LRRC8A: variants seen among roughly 807,000 people sequenced by gnomAD.
The protein encoded by LRRC8A is volume-regulated anion channel subunit LRRC8A.
A neutral mutation model predicts 52.5 loss-of-function variants in LRRC8A; 24 were observed. That is an observed-to-expected ratio of 0.46 (90% CI 0.33 to 0.64). The LOEUF is 0.64. Ranked by LOEUF, LRRC8A falls within the 30% of genes least tolerant of loss-of-function variation. LRRC8A has a pLI of 0.02. For synonymous variants in LRRC8A, 492 were observed against 494.2 expected, an observed-to-expected ratio of 1.00 and a Z score of 0.06; for missense variants, 677 against 1,094.7, an observed-to-expected ratio of 0.62 and a Z score of 5.38.
rs548173878 is a variant in LRRC8A, at chr9:128,915,760, G to A, written c.2158-336G>A. On this transcript the variant is annotated intron_variant, in intron 3 of 3. Transcript: ENST00000372600. ...TGGCCAATGCGATATACTTCCCAGG[G>A]CCAGGTGCTGGAAGATAGTGGGGAT... Among the ~76,000 whole-genome samples, 19 of 152,334 alleles carry A rather than the reference G, an allele frequency of 1.2e-4. No homozygotes were observed. In the East Asian group the frequency reaches 3.7e-3, roughly 29 times the overall value.
At chr9:128,912,387 C>T (rs1000537866) in intron 3 of LRRC8A, among the ~76,000 whole-genome samples, 5 of 151,456 alleles carry the variant, frequency 3.3e-5, no homozygotes, top group Non-Finnish European at 7.4e-5. Context: ...CCCTGAAGAA[C>T]GAGGAGGAGG....
At chr9:128,888,142 C>T (rs1839469699) in intron 2 of LRRC8A, among the ~76,000 whole-genome samples, 2 of 152,134 alleles carry the variant, frequency 1.3e-5, no homozygotes, top group African/African-American at 4.8e-5. Flanking sequence ...TAAGGTCAGC[C>T]AACTCCTGGC....
At chr9:128,891,796 G>T (rs957483692) in intron 2 of LRRC8A, among the ~76,000 whole-genome samples, 8 of 152,126 alleles carry the variant, frequency 5.3e-5, no homozygotes, top group African/African-American at 9.7e-5. Context: ...CAAGGGCCTG[G>T]GTCCCAGGTG....
At position 128,908,748 on chromosome 9, in the gene LRRC8A, C is replaced by T. The variant is rs753655875; in HGVS notation, c.1584C>T (p.Ser528=). 37 of 1,613,236 alleles carry T rather than the reference C, an allele frequency of 2.3e-5. No homozygotes were observed. Among genetic ancestry groups the T allele is most frequent in the East Asian group, 1.1e-4 (5 of 44,892 alleles). Residue 528 remains serine (S), a synonymous_variant, in exon 3 of 4, where the codon AGC becomes AGT. Coordinates refer to ENST00000372600, the MANE Select transcript of LRRC8A (RefSeq NM_019594.4). The part of the protein sequence containing the change: ...LEELHLTGNL[S]AENNRYIVID... ...AGCTGCACCTGACGGGCAACCTGAG[C>T]GCGGAGAACAACCGCTACATCGTCA...
At chr9:128,913,567 T>C (rs1013614483) in intron 3 of LRRC8A, among the ~76,000 whole-genome samples, 37 of 152,140 alleles carry the variant, frequency 2.4e-4, no homozygotes, top group Non-Finnish European at 1.5e-4. Context: ...CTCTGGGGCC[T>C]GGAGAGGGCT....
rs80015758 is a variant in LRRC8A, at chr9:128,914,795, G to A, written c.2158-1301G>A. Among the ~76,000 whole-genome samples the A allele has an allele frequency of 3.7e-3, 557 of 152,346 alleles. 8 individuals are homozygous for A. The East Asian group carries it at 0.042, about 12-fold the overall frequency. The stretch of plus-strand genomic sequence containing the variant: ...CAACTCATGGCCTTACTTACACGCA[G>A]TAAGAACTCATGGCCCCAGCTGATT... On this transcript the variant is annotated intron_variant, in intron 3 of 3. Transcript: ENST00000372600.
chr9:128,901,030 G>T (rs1390183427), intron 2 of LRRC8A, among the ~76,000 whole-genome samples: 1 of 152,114 alleles, frequency 6.6e-6, no homozygotes, highest in African/African-American at 2.4e-5. Flanking sequence ...AAAATTATCC[G>T]GGCATGGTGG....
intron 3 of LRRC8A, among the ~76,000 whole-genome samples, chr9:128,910,881 C>CT (rs1179291722): frequency 3.3e-5 from 5 of 152,188 alleles, no homozygotes; most frequent in Non-Finnish European, 7.3e-5. Context: ...ACCCGCGTTT[C>CT]TTAGTTCGGT....
rs755410120 is a variant in LRRC8A, at chr9:128,909,195, C to A, written c.2031C>A (p.Ile677=). Residue 677 remains isoleucine, a synonymous_variant, in exon 3 of 4, where the codon ATC becomes ATA. Transcript: ENST00000372600. ...LYLNRNKIEK[I]PTQLFYCRKL... is the part of the protein sequence containing the mutation. Reference sequence around the variant, plus strand: ...TGAACCGCAACAAGATCGAGAAGATCCCCACCCAGCTCTTCTACTGCCGCA... The same window carrying A: ...TGAACCGCAACAAGATCGAGAAGATACCCACCCAGCTCTTCTACTGCCGCA... 3 of 1,614,192 alleles carry A rather than the reference C, an allele frequency of 1.9e-6. No homozygotes were observed. In the Admixed American group the frequency reaches 5.0e-5, roughly 27 times the overall value.
rs1232301667 is a variant in LRRC8A, at chr9:128,916,783, C to T, written c.*412C>T. The T allele has an allele frequency of 5.9e-6, 1 of 169,392 alleles. No individual in the cohort carries two copies. Among genetic ancestry groups the T allele is most frequent in the African/African-American group, 2.4e-5 (1 of 42,206 alleles). 10.5% of individuals were successfully genotyped at this position (169,392 alleles called of 1,614,324 possible). On this transcript the variant is annotated 3_prime_UTR_variant, in exon 4 of 4. Transcript: ENST00000372600. The surrounding 1 kb of genome is among the most constrained non-coding windows in gnomAD (Gnocchi z 6.1). The stretch of plus-strand genomic sequence containing the variant: ...CTTATACATTCCCAAGAAAGTTCAG[C>T]CCAGATGGAAGGTGTTCAGGGAAAG...
intron 2 of LRRC8A, among the ~76,000 whole-genome samples, chr9:128,895,798 C>A (rs1297443546): frequency 3.3e-5 from 5 of 152,200 alleles, no homozygotes; most frequent in African/African-American, 1.2e-4. Flanking sequence ...TGCTGCTCCC[C>A]GCTGAGCCTT....
intron 2 of LRRC8A, among the ~76,000 whole-genome samples, chr9:128,906,118 C>T (rs953300775): frequency 2.0e-5 from 3 of 152,140 alleles, no homozygotes; most frequent in African/African-American, 7.2e-5. Flanking sequence ...CTTGTACACA[C>T]ATAACTATAC....
chr9:128,891,179 G>A (rs1392100615), intron 2 of LRRC8A, among the ~76,000 whole-genome samples: 1 of 152,096 alleles, frequency 6.6e-6, no homozygotes, highest in Non-Finnish European at 1.5e-5. Flanking sequence ...GGCTGAGGCA[G>A]GAGAATCACT....
Position 128,899,467 on chromosome 9 carries a change from C to T in LRRC8A, c.-8-7690C>T, listed in dbSNP as rs527459410. On this transcript the variant is annotated intron_variant, in intron 2 of 3. Coordinates refer to ENST00000372600, the MANE Select transcript of LRRC8A (RefSeq NM_019594.4). The surrounding 1 kb of genome is among the most constrained non-coding windows in gnomAD (Gnocchi z 4.0). The stretch of plus-strand genomic sequence containing the variant: ...GGCCCACTGTAAATCCAGGTTTGAA[C>T]GCCACCTCTGTCACTTATAGGCGGT... 1.3e-5 allele frequency among the ~76,000 whole-genome samples: 2 copies of T among 152,122 alleles called. No homozygotes were observed. Among genetic ancestry groups the T allele is most frequent in the Non-Finnish European group, 2.9e-5 (2 of 68,006 alleles).
At chr9:128,912,233 T>C (rs1186082233) in intron 3 of LRRC8A, among the ~76,000 whole-genome samples, 1 of 152,218 alleles carries the variant, frequency 6.6e-6, no homozygotes, top group Non-Finnish European at 1.5e-5. Flanking sequence ...TTTGTGCAGA[T>C]GTTTTTTGAG....
In LRRC8A at chr9:128,911,622, C is replaced by G. The variant is rs536783393; in HGVS notation, c.2157+2301C>G. Among the ~76,000 whole-genome samples, 5 of 152,148 alleles carry G rather than the reference C, an allele frequency of 3.3e-5. No homozygotes were observed. Among genetic ancestry groups the G allele is most frequent in the Non-Finnish European group, 7.3e-5 (5 of 68,036 alleles). ...CTGGTTGGGGGAGGGTTCAAGCCTC[C>G]AGCCTGGCTCCCCATCCTGTCCCCC... On this transcript the variant is annotated intron_variant, in intron 3 of 3. Transcript: ENST00000372600. The surrounding 1 kb of genome is among the most constrained non-coding windows in gnomAD (Gnocchi z 4.9).
intron 3 of LRRC8A, among the ~76,000 whole-genome samples, chr9:128,914,791 C>T (rs1268415404): frequency 2.0e-5 from 3 of 152,232 alleles, no homozygotes; most frequent in African/African-American, 4.8e-5. Flanking sequence ...CTTACTTACA[C>T]GCAGTAAGAA....
chr9:128,902,494 C>T lies in LRRC8A; in HGVS notation c.-8-4663C>T, dbSNP rs879450059. 1.3e-5 allele frequency among the ~76,000 whole-genome samples: 2 copies of T among 152,136 alleles called. No homozygotes were observed. Among genetic ancestry groups the T allele is most frequent in the Non-Finnish European group, 2.9e-5 (2 of 68,018 alleles). ...CAGGTGTTTCTGTGAGCGAACACAC[C>T]CCACTCCCTGAACACGAGGGAGGTG... On this transcript the variant is annotated intron_variant, in intron 2 of 3. Coordinates refer to ENST00000372600, the MANE Select transcript of LRRC8A (RefSeq NM_019594.4). The surrounding 1 kb of genome is among the most constrained non-coding windows in gnomAD (Gnocchi z 4.1).
rs1162466468 is a variant in LRRC8A, at chr9:128,908,784, G to A, written c.1620G>A (p.Leu540=). The change falls in exon 3 of 4, where the codon CTG becomes CTA. Residue 540 remains leucine (L), a synonymous_variant. Transcript: ENST00000372600. ...ACCGCTACATCGTCATCGACGGGCTGCGGGAGCTCAAACGCCTCAAGGTGC... is the reference window on the plus strand; with the variant it reads ...ACCGCTACATCGTCATCGACGGGCTACGGGAGCTCAAACGCCTCAAGGTGC... ...ENNRYIVIDG[L]RELKRLKVLR... 1 of 1,613,420 alleles carries A rather than the reference G, an allele frequency of 6.2e-7. No homozygotes were observed. Among genetic ancestry groups the A allele is most frequent in the Non-Finnish European group, 8.5e-7 (1 of 1,180,032 alleles).
Sources: gnomAD v4.1 joint callset for allele counts (sites outside exome capture counted in the v4.1 genomes callset) on GRCh38, gnomAD v4.1.1 for gene constraint, Gnocchi (gnomAD v3.1) non-coding constraint, MANE v1.5 for transcripts, NCBI Gene and HGNC (gene_info 2026-07-23, HGNC 2026-07-21) for gene names.